Variants in DGKI observed in about 807,000 individuals in gnomAD.
DGKI encodes the protein DAG kinase iota.
Under a neutral mutation model 147.5 loss-of-function variants are expected in DGKI, and 55 were observed. The ratio of observed to expected loss-of-function variants is 0.37; its 90% CI spans 0.30 to 0.47. DGKI has a LOEUF of 0.47. Among genes scored for constraint, DGKI ranks in the 20% least tolerant of loss-of-function variants. The pLI is 1.00. For synonymous variants in DGKI, 469 were observed against 477.1 expected (o/e 0.98, Z 0.22); for missense variants, 1,007 against 1,323.8 (o/e 0.76, Z 3.71).
intron 20 of DGKI, among the ~76,000 whole-genome samples, chr7:137,533,612 A>T (rs946868317): frequency 6.6e-6 from 1 of 152,132 alleles, no homozygotes; most frequent in African/African-American, 2.4e-5. Flanking sequence ...ACAAAATAAC[A>T]TCAAGCCAAA....
chr7:137,609,495 A>G (rs780541999), intron 9 of DGKI, 40 bp downstream of exon 9: 1 of 1,508,172 alleles, frequency 6.6e-7, no homozygotes, highest in African/African-American at 1.4e-5. Flanking sequence ...CTATGGAAAG[A>G]AAGTGGAAAT....
intron 2 of DGKI, among the ~76,000 whole-genome samples, chr7:137,688,377 T>G (rs958600229): frequency 1.3e-5 from 2 of 152,200 alleles, no homozygotes; most frequent in African/African-American, 4.8e-5. Context: ...CAAAAAAAAC[T>G]TTTTCACTTA....
intron 20 of DGKI, among the ~76,000 whole-genome samples, chr7:137,538,735 C>A (rs1387333671): frequency 6.6e-6 from 1 of 152,176 alleles, no homozygotes; most frequent in Non-Finnish European, 1.5e-5. Flanking sequence ...CAGCACACAG[C>A]ATTATTTCTT....
chr7:137,429,353 C>T (rs1034358179), intron 28 of DGKI, among the ~76,000 whole-genome samples: 76 of 152,242 alleles, frequency 5.0e-4, no homozygotes, highest in African/African-American at 1.7e-3. Context: ...TAGCCATATG[C>T]AGAAAGCTGA....
chr7:137,602,457 C>T (rs544447055), intron 10 of DGKI, among the ~76,000 whole-genome samples: 3 of 152,154 alleles, frequency 2.0e-5, no homozygotes, highest in Non-Finnish European at 4.4e-5. Flanking sequence ...GGCATGGCTA[C>T]CCTGTTGAAA....
In DGKI at chr7:137,678,603, C is replaced by T; in HGVS notation, c.560G>A (p.Gly187Glu). 6.2e-7 allele frequency: 1 copy of T among 1,614,156 alleles called. No homozygotes were observed. Among genetic ancestry groups the T allele is most frequent in the Non-Finnish European group, 8.5e-7 (1 of 1,180,010 alleles). The change falls in exon 3 of 33, where the codon GGA (glycine) becomes GAA (glutamate). Residue 187 changes from glycine (G) to glutamate (E), a missense_variant. This residue lies in a region of DGKI where 259 missense variants were observed against 362.5 expected (regional missense o/e 0.71). Coordinates refer to ENST00000614521, the MANE Select transcript of DGKI (RefSeq NM_001321708.2). ...CTCCTCTCCAAGGTAGCAGAGGTCTCCCGAGACGTTGGTCTCCAGCCACAG... is the reference window on the plus strand; with the variant it reads ...CTCCTCTCCAAGGTAGCAGAGGTCTTCCGAGACGTTGGTCTCCAGCCACAG... ...EHLWLETNVSGDLCYLGEENC... is the reference protein window; with the variant it reads ...EHLWLETNVSEDLCYLGEENC...
chr7:137,469,428 G>T (rs1814793882), intron 24 of DGKI, 122 bp downstream of exon 24: 2 of 915,380 alleles, frequency 2.2e-6, no homozygotes, highest in Non-Finnish European at 3.4e-6. Flanking sequence ...TACCAGCCAT[G>T]TGGAGTCACA....
intron 27 of DGKI, among the ~76,000 whole-genome samples, chr7:137,455,996 G>T (rs1585131476): frequency 6.6e-6 from 1 of 152,264 alleles, no homozygotes; most frequent in East Asian, 1.9e-4. Context: ...CAGACACACT[G>T]AGAAAACAAG....
At chr7:137,484,628 A>G (rs1815488638) in intron 23 of DGKI, among the ~76,000 whole-genome samples, 1 of 152,044 alleles carries the variant, frequency 6.6e-6, no homozygotes, top group Non-Finnish European at 1.5e-5. Context: ...TGAGAAATCT[A>G]ATGCATAAGA....
In DGKI at chr7:137,846,380, C is replaced by A; in HGVS notation, c.401+82G>T. On this transcript the variant is annotated intron_variant, in intron 1 of 32. Coordinates refer to ENST00000614521, the MANE Select transcript of DGKI (RefSeq NM_001321708.2). This position sits in a 1 kb window ranked among gnomAD's most constrained non-coding sequence, Gnocchi z 4.0. ...GTGGAAACAGAGAGGTGCCCAACTC[C>A]GCGGAAGCGCCCCTTGCTGGGTAGA... 1 of 980,024 alleles carries A rather than the reference C, an allele frequency of 1.0e-6. No homozygotes were observed. The highest frequency in any genetic ancestry group is 1.4e-5 in the South Asian group (1 of 69,626). 60.7% of individuals were successfully genotyped at this position (980,024 alleles called of 1,614,324 possible).
At chr7:137,529,596 G>C (rs1243631603) in intron 20 of DGKI, among the ~76,000 whole-genome samples, 2 of 152,144 alleles carry the variant, frequency 1.3e-5, no homozygotes, top group Admixed American at 1.3e-4. Flanking sequence ...AAGTATAGCA[G>C]TTTCATCATT....
chr7:137,475,895 G>C (rs750884200), intron 23 of DGKI, among the ~76,000 whole-genome samples: 4 of 151,992 alleles, frequency 2.6e-5, no homozygotes, highest in Admixed American at 2.6e-4. Flanking sequence ...AAAAGAATCA[G>C]AGCTTGGTAA....
intron 28 of DGKI, among the ~76,000 whole-genome samples, chr7:137,426,361 T>C (rs1812805550): frequency 6.6e-6 from 1 of 152,100 alleles, no homozygotes; most frequent in Non-Finnish European, 1.5e-5. Flanking sequence ...AGAGATTTTG[T>C]CACCAGCAGG....
chr7:137,653,586 C>A (rs1275488804), intron 5 of DGKI, among the ~76,000 whole-genome samples: 2 of 152,130 alleles, frequency 1.3e-5, no homozygotes, highest in Admixed American at 6.5e-5. Flanking sequence ...ACCTCCTAAC[C>A]ACCCTCCTCT....
At chr7:137,696,170 C>A (rs564003769) in intron 1 of DGKI, among the ~76,000 whole-genome samples, 2 of 152,302 alleles carry the variant, frequency 1.3e-5, no homozygotes, top group East Asian at 3.9e-4. Flanking sequence ...AAACATTTGA[C>A]AAACTTCCAC....
intron 28 of DGKI, among the ~76,000 whole-genome samples, chr7:137,417,117 C>T (rs771051247): frequency 7.2e-5 from 11 of 152,096 alleles, no homozygotes; most frequent in Non-Finnish European, 1.5e-4. Flanking sequence ...GTTATGATTA[C>T]AATATTATTC....
chr7:137,826,471 A>G (rs190169407), intron 1 of DGKI, among the ~76,000 whole-genome samples: 1 of 152,282 alleles, frequency 6.6e-6, no homozygotes, highest in Non-Finnish European at 1.5e-5. Flanking sequence ...TCTTAGCTGC[A>G]AAATTATCTG....
rs1822226807 is a variant in DGKI, at chr7:137,656,482, A to G, written c.665T>C (p.Ile222Thr). ...VCKIVVHTAC[I>T]EQLEKINFRC... ...CGCTCTTACCTTTTCTAGCTGCTCAATGCAGGCGGTGTGGACGACGATTTT... is the reference window on the plus strand; with the variant it reads ...CGCTCTTACCTTTTCTAGCTGCTCAGTGCAGGCGGTGTGGACGACGATTTT... The change falls in exon 4 of 33, where the codon ATT becomes ACT. Residue 222 changes from isoleucine (I) to threonine (T), a missense_variant. Coordinates refer to ENST00000614521, the MANE Select transcript of DGKI (RefSeq NM_001321708.2). The G allele has an allele frequency of 5.6e-6, 9 of 1,613,998 alleles. No individual in the cohort carries two copies. Among genetic ancestry groups the G allele is most frequent in the Non-Finnish European group, 7.6e-6 (9 of 1,180,012 alleles).
intron 14 of DGKI, among the ~76,000 whole-genome samples, chr7:137,584,553 A>G (rs925536352): frequency 3.3e-5 from 5 of 152,218 alleles, no homozygotes; most frequent in African/African-American, 1.2e-4. Context: ...TAGAGTAGAG[A>G]GGGAAGGAGA....
Sources: allele counts gnomAD v4.1 joint callset (sites outside exome capture counted in the v4.1 genomes callset), GRCh38; gene constraint gnomAD v4.1.1; regional missense constraint gnomAD v4.1.1; non-coding constraint Gnocchi (gnomAD v3.1); transcripts MANE v1.5; gene names NCBI Gene and HGNC (gene_info 2026-07-23, HGNC 2026-07-21).